Variants in AHRR observed in about 807,000 individuals in gnomAD.
AHRR encodes aryl hydrocarbon receptor repressor, also known as ahR repressor.
In AHRR, 28 loss-of-function variants were observed where a neutral mutation model predicts 44.0. The observed-to-expected ratio is 0.64, with a 90% CI of 0.47 to 0.87. The LOEUF (loss-of-function observed/expected upper bound fraction) is 0.87. Among genes scored for constraint, AHRR ranks in the 40% least tolerant of loss-of-function variants. AHRR has a pLI of 0.00. For missense variants in AHRR, 990 were observed against 953.9 expected, an observed-to-expected ratio of 1.04 and a Z score of -0.50; for synonymous variants, 434 against 407.0, an observed-to-expected ratio of 1.07 and a Z score of -0.80.
intron 3 of AHRR, among the ~76,000 whole-genome samples, chr5:362,211 G>A (rs1298070443): frequency 2.6e-5 from 4 of 152,236 alleles, no homozygotes; most frequent in Non-Finnish European, 4.4e-5. Context: ...AAGATGCAGT[G>A]AGAAGGTGGC....
chr5:344,810 T>A (rs1434216902), intron 2 of AHRR, among the ~76,000 whole-genome samples: 1 of 127,192 alleles, frequency 7.9e-6, no homozygotes, highest in Admixed American at 7.5e-5. Context: ...AGACTGTGTG[T>A]GCGGGTGTGT....
Position 343,975 on chromosome 5 carries a change from C to A in AHRR, c.62+11C>A, listed in dbSNP as rs1421060471. The stretch of plus-strand genomic sequence containing the variant: ...GCCCCTGCAGAAACAGTAAAGTATC[C>A]CGCCTTCTGCTTGTGTGGGTTGTTG... On this transcript the variant is annotated intron_variant, in intron 2 of 10. Coordinates refer to ENST00000684583, the MANE Select transcript of AHRR (RefSeq NM_001377236.1). 3 of 1,594,478 alleles carry A rather than the reference C, an allele frequency of 1.9e-6. No individual in the cohort carries two copies. The East Asian group carries it at 7.1e-5, about 38-fold the overall frequency.
Position 380,657 on chromosome 5 carries a change from G to A in AHRR, c.351+3941G>A, listed in dbSNP as rs1003554980. Among the ~76,000 whole-genome samples, 4 of 152,112 alleles carry A rather than the reference G, an allele frequency of 2.6e-5. No individual in the cohort carries two copies. The South Asian group carries it at 8.3e-4, about 32-fold the overall frequency. On this transcript the variant is annotated intron_variant, in intron 4 of 10. Transcript: ENST00000684583. ...TATAGAAGTACAATTTATTTTTCTA[G>A]GTTGACTTTGTATCCTATGACCTTG... is the stretch of plus-strand genomic sequence containing the variant.
chr5:346,845 TGCCG>T (rs776790983), intron 2 of AHRR, among the ~76,000 whole-genome samples: 16 of 152,222 alleles, frequency 1.1e-4, no homozygotes, highest in Non-Finnish European at 2.2e-4. Flanking sequence ...TAGCTTGCTG[TGCCG>T]TGAGTAGTAA....
chr5:436,217 C>T lies in AHRR; in HGVS notation c.*1383C>T, dbSNP rs1045598354. On this transcript the variant is annotated 3_prime_UTR_variant, in exon 11 of 11. Transcript: ENST00000684583. ...CACCCCGCTGCACTGTGCATTGTGC[C>T]TCCCGTGTGGACGCCCTCTCTGTTG... 4 of 153,236 alleles carry T rather than the reference C, an allele frequency of 2.6e-5. No homozygotes were observed. Among genetic ancestry groups the T allele is most frequent in the African/African-American group, 9.7e-5 (4 of 41,304 alleles). 9.5% of individuals were successfully genotyped at this position (153,236 alleles called of 1,614,324 possible).
At position 405,217 on chromosome 5, in the gene AHRR, T is replaced by C. The variant is rs1215624567; in HGVS notation, c.352-8127T>C. On this transcript the variant is annotated intron_variant, in intron 4 of 10. Coordinates refer to ENST00000684583, the MANE Select transcript of AHRR (RefSeq NM_001377236.1). This position sits in a 1 kb window ranked among gnomAD's most constrained non-coding sequence, Gnocchi z 4.5. ...CTTTCTGCTCACGACCCAAAGAGGT[T>C]AGCATGGAACCAACCCTCTTCCTCG... Among the ~76,000 whole-genome samples, 1 of 151,992 alleles carries C rather than the reference T, an allele frequency of 6.6e-6. No individual in the cohort carries two copies. The highest frequency in any genetic ancestry group is 1.5e-5 in the Non-Finnish European group (1 of 68,000).
chr5:388,379 T>C lies in AHRR; in HGVS notation c.351+11663T>C, dbSNP rs935961797. On this transcript the variant is annotated intron_variant, in intron 4 of 10. Coordinates refer to ENST00000684583, the MANE Select transcript of AHRR (RefSeq NM_001377236.1). This position sits in a 1 kb window ranked among gnomAD's most constrained non-coding sequence, Gnocchi z 5.2. ...ATGGACTCACGCAGCCATCCATCGA[T>C]GGCTATGGGGAGGGTACCTGCCATT... 2.0e-5 allele frequency among the ~76,000 whole-genome samples: 3 copies of C among 152,222 alleles called. No homozygotes were observed. The highest frequency in any genetic ancestry group is 4.4e-5 in the Non-Finnish European group (3 of 68,032).
chr5:428,320 C>G (rs1736565310), intron 8 of AHRR, among the ~76,000 whole-genome samples: 1 of 152,250 alleles, frequency 6.6e-6, no homozygotes, highest in African/African-American at 2.4e-5. Flanking sequence ...GGCTGTGGCC[C>G]CTGCCTTTCT....
At position 326,053 on chromosome 5, in the gene AHRR, G is replaced by A. The variant is rs546998352; in HGVS notation, c.-11+4234G>A. Reference sequence around the variant, plus strand: ...CTGCCTCAGCCTCCCTAAGTGCTGGGATTACAGGCGTGAGCCACTGCGGCC... The same window carrying A: ...CTGCCTCAGCCTCCCTAAGTGCTGGAATTACAGGCGTGAGCCACTGCGGCC... On this transcript the variant is annotated intron_variant, in intron 1 of 10. Coordinates refer to ENST00000684583, the MANE Select transcript of AHRR (RefSeq NM_001377236.1). The surrounding 1 kb of genome is among the most constrained non-coding windows in gnomAD (Gnocchi z 4.1). 1.8e-3 allele frequency among the ~76,000 whole-genome samples: 280 copies of A among 152,334 alleles called. No individual in the cohort carries two copies. The highest frequency in any genetic ancestry group is 3.3e-3 in the Non-Finnish European group (227 of 68,030).
At chr5:344,258 G>T (rs1029828238) in intron 2 of AHRR, among the ~76,000 whole-genome samples, 5 of 151,120 alleles carry the variant, frequency 3.3e-5, no homozygotes, top group Middle Eastern at 3.2e-3. Flanking sequence ...AGCTCCGGGC[G>T]GCAGAGGCGG....
In AHRR at chr5:353,888, T is replaced by G. The variant is rs1278899348; in HGVS notation, c.221T>G (p.Leu74Arg). The change falls in exon 3 of 11, where the codon CTC becomes CGC. Residue 74 changes from leucine to arginine, a missense_variant. Transcript: ENST00000684583. Reference protein sequence around the residue: ...LSVLRLSVSYLRVKSFFQVVQ... With the variant: ...LSVLRLSVSYRRVKSFFQVVQ... ...GTCCTGCGCCTCAGTGTCAGTTACC[T>G]CCGGGTGAAGAGCTTCTTCCAAGGT... 6.2e-7 allele frequency: 1 copy of G among 1,613,772 alleles called. No individual in the cohort carries two copies. Among genetic ancestry groups the G allele is most frequent in the Admixed American group, 1.7e-5 (1 of 59,976 alleles).
Position 413,321 on chromosome 5 carries a change from T to G in AHRR, c.352-23T>G, listed in dbSNP as rs763371342. Reference sequence around the variant, plus strand: ...TTGGGTGAGCCAATTCGATTTTTTTTTTTGTTTTGTTTTTTCTTCTAGTCT... The same window carrying G: ...TTGGGTGAGCCAATTCGATTTTTTTGTTTGTTTTGTTTTTTCTTCTAGTCT... On this transcript the variant is annotated intron_variant, in intron 4 of 10. Coordinates refer to ENST00000684583, the MANE Select transcript of AHRR (RefSeq NM_001377236.1). The G allele has an allele frequency of 1.7e-5, 26 of 1,553,774 alleles. No homozygotes were observed. In the Middle Eastern group the frequency reaches 5.2e-4, roughly 31 times the overall value.
chr5:353,672 CA>C, intron 2 of AHRR, 57 bp from the exon 3 acceptor site: 1 of 1,534,692 alleles, frequency 6.5e-7, no homozygotes, highest in Non-Finnish European at 8.8e-7. Flanking sequence ...GTTTCCGCCC[CA>C]GGGGGCCTGT....
At chr5:431,141 A>AGCAGG (rs1035779457) in intron 8 of AHRR, among the ~76,000 whole-genome samples, 14 of 152,172 alleles carry the variant, frequency 9.2e-5, no homozygotes, top group Non-Finnish European at 1.8e-4. Flanking sequence ...CTGGTGTCAG[A>AGCAGG]GCAGGGCAGG....
chr5:414,893 G>A (rs1053626534), intron 5 of AHRR, among the ~76,000 whole-genome samples: 5 of 152,226 alleles, frequency 3.3e-5, no homozygotes, highest in African/African-American at 4.8e-5. Context: ...CAGTAGCACC[G>A]GCTCAGCAAC....
intron 4 of AHRR, among the ~76,000 whole-genome samples, chr5:400,413 C>T (rs914370625): frequency 2.0e-5 from 3 of 152,192 alleles, no homozygotes; most frequent in Admixed American, 6.5e-5. Context: ...GTTGTCCTTG[C>T]GAAGTGGCAG....
chr5:423,748 C>T lies in AHRR; in HGVS notation c.572-93C>T, dbSNP rs937413944. 1.4e-5 allele frequency: 21 copies of T among 1,467,854 alleles called. No homozygotes were observed. The East Asian group carries it at 2.4e-4, about 17-fold the overall frequency. 90.9% of individuals were successfully genotyped at this position (1,467,854 alleles called of 1,614,324 possible). The stretch of plus-strand genomic sequence containing the variant: ...GGCACAGTGATAGGGTTTACATGAC[C>T]TGGCGCGTGAGAGCCGTGGGCGTGG... On this transcript the variant is annotated intron_variant, in intron 6 of 10. Coordinates refer to ENST00000684583, the MANE Select transcript of AHRR (RefSeq NM_001377236.1).
chr5:394,276 C>T (rs1277013836), intron 4 of AHRR, among the ~76,000 whole-genome samples: 2 of 102,720 alleles, frequency 1.9e-5, no homozygotes, highest in African/African-American at 1.3e-4. Flanking sequence ...GTGCTGGAAC[C>T]CTCTTGTCTC....
At chr5:325,029 C>T (rs1741656012) in intron 1 of AHRR, among the ~76,000 whole-genome samples, 2 of 152,290 alleles carry the variant, frequency 1.3e-5, no homozygotes, top group East Asian at 1.9e-4. Flanking sequence ...CGTTGCAGGG[C>T]GAGTAGTCAC....
Sources: allele counts gnomAD v4.1 joint callset (sites outside exome capture counted in the v4.1 genomes callset), GRCh38; gene constraint gnomAD v4.1.1; non-coding constraint Gnocchi (gnomAD v3.1); transcripts MANE v1.5; gene names NCBI Gene and HGNC (gene_info 2026-07-23, HGNC 2026-07-21).